The following CNIH1 variants were observed in gnomAD, a reference collection of about 807,000 sequenced individuals.
CNIH1 encodes cornichon family member 1.
Under a neutral mutation model 20.2 loss-of-function variants are expected in CNIH1, and 12 were observed. That is an observed-to-expected ratio of 0.59 (90% CI 0.38 to 0.96). The LOEUF is 0.96. Ranked by LOEUF, CNIH1 falls within the 40% of genes least tolerant of loss-of-function variation. The pLI is 0.00. For missense variants in CNIH1, 152 were observed against 178.8 expected (o/e 0.85, Z 0.85); for synonymous variants, 69 against 63.3 (o/e 1.09, Z -0.43).
rs558740820 is a variant in CNIH1 at position 54,429,079 on chromosome 14, TGAGAAAG to T, written c.407+1175_407+1181del. On this transcript the variant is annotated intron_variant, in intron 4 of 4. Transcript: ENST00000216416. ...TAGTTGAGTATGTATTAATAAAAAA[TGAGAAAG>T]TATTTTATATAAGTGATGTGTAAAA... Among the ~76,000 whole-genome samples the T allele has an allele frequency of 1.8e-3, 272 of 152,320 alleles. 9 individuals carry two copies. The South Asian group carries it at 0.054, about 30-fold the overall frequency.
At position 54,430,266 on chromosome 14, in the gene CNIH1, T is replaced by C. The variant is rs999675806; in HGVS notation, c.402A>G (p.Leu134=). The change falls in exon 4 of 5, where the codon CTA becomes CTG. Residue 134 remains leucine, a synonymous_variant. Transcript: ENST00000216416. ...AFYLLAFFYY[L]YGMIYVLVSS ...ATTTTACCTTTTCAACTTACCCATATAGGTAGTAAAAAAATGCTAGAAGAT... is the reference window on the plus strand; with the variant it reads ...ATTTTACCTTTTCAACTTACCCATACAGGTAGTAAAAAAATGCTAGAAGAT... 6.2e-6 allele frequency: 10 copies of C among 1,613,780 alleles called. No individual in the cohort carries two copies. Among genetic ancestry groups the C allele is most frequent in the South Asian group, 4.4e-5 (4 of 91,078 alleles).
intron 1 of CNIH1, among the ~76,000 whole-genome samples, chr14:54,438,933 C>T (rs1185281598): frequency 6.6e-6 from 1 of 152,194 alleles, no homozygotes; most frequent in Non-Finnish European, 1.5e-5. Flanking sequence ...ACCTCCCCCT[C>T]TTTTTCCTTT....
Position 54,424,323 on chromosome 14 carries a change from A to T in CNIH1, c.*3491T>A, listed in dbSNP as rs922015303. 5 of 152,226 alleles carry T rather than the reference A, an allele frequency of 3.3e-5. No homozygotes were observed. Among genetic ancestry groups the T allele is most frequent in the African/African-American group, 1.2e-4 (5 of 41,444 alleles). The allele number at this position is 152,226 out of a possible 1,614,324, so 9.4% of individuals were successfully genotyped here. Reference sequence around the variant, plus strand: ...CCCCTGAAGAATGTTGTTTTAGAATATTTTTGCCATCAAAATTTCTGATTT... The same window carrying T: ...CCCCTGAAGAATGTTGTTTTAGAATTTTTTTGCCATCAAAATTTCTGATTT... On this transcript the variant is annotated 3_prime_UTR_variant, in exon 5 of 5. Coordinates refer to ENST00000216416, the MANE Select transcript of CNIH1 (RefSeq NM_005776.3).
intron 1 of CNIH1, 81 bp downstream of exon 1, chr14:54,441,166 T>C (rs1459732563): frequency 1.6e-6 from 2 of 1,282,856 alleles, no homozygotes; most frequent in Non-Finnish European, 2.0e-6. Flanking sequence ...CCGGCGGCCG[T>C]GGCGGCCCGG....
chr14:54,437,556 A>G (rs2031079255), intron 1 of CNIH1, among the ~76,000 whole-genome samples: 1 of 152,194 alleles, frequency 6.6e-6, no homozygotes. Context: ...CTGAAAGAAC[A>G]AAGATTGTTG....
chr14:54,425,526 T>C lies in CNIH1; in HGVS notation c.*2288A>G, dbSNP rs1035847189. On this transcript the variant is annotated 3_prime_UTR_variant, in exon 5 of 5. Transcript: ENST00000216416. ...TAGGGCCACCCCAAAGAGATTGATG[T>C]GGAAAATAAATCCAGAGCAATGAAA... The C allele has an allele frequency of 1.3e-5, 2 of 152,162 alleles. No homozygotes were observed. Among genetic ancestry groups the C allele is most frequent in the Non-Finnish European group, 2.9e-5 (2 of 68,012 alleles). The allele number at this position is 152,162 out of a possible 1,614,324, so 9.4% of individuals were successfully genotyped here.
chr14:54,428,364 AG>A (rs949810934), intron 4 of CNIH1, among the ~76,000 whole-genome samples: 4 of 152,194 alleles, frequency 2.6e-5, no homozygotes, highest in African/African-American at 9.7e-5. Context: ...AAAAAAGAAA[AG>A]GGGGGAAAAC....
Position 54,441,268 on chromosome 14 carries a change from G to C in CNIH1, c.60C>G (p.Leu20=). The C allele has an allele frequency of 2.0e-6, 3 of 1,518,574 alleles. No individual in the cohort carries two copies. Among genetic ancestry groups the C allele is most frequent in the Non-Finnish European group, 2.7e-6 (3 of 1,130,688 alleles). The allele number at this position is 1,518,574 out of a possible 1,614,324, so 94.1% of individuals were successfully genotyped here. The change falls in exon 1 of 5, where the codon CTC becomes CTG. Residue 20 remains leucine (L), a synonymous_variant. Coordinates refer to ENST00000216416, the MANE Select transcript of CNIH1 (RefSeq NM_005776.3). Reference sequence around the variant, plus strand: ...TCACGTGCCAAATGGCGAAGAAGATGAGCGCGGCAGTGAGCAGCAGCGCCA... The same window carrying C: ...TCACGTGCCAAATGGCGAAGAAGATCAGCGCGGCAGTGAGCAGCAGCGCCA... ...YMLALLLTAA[L]IFFAIWHIIA...
At position 54,426,016 on chromosome 14, in the gene CNIH1, A is replaced by C. The variant is rs1044783847; in HGVS notation, c.*1798T>G. ...GCATGATCAAAAGTCCTTGTGAACA[A>C]GAAAGAAAACTAAGTGCATGCTGAT... On this transcript the variant is annotated 3_prime_UTR_variant, in exon 5 of 5. Coordinates refer to ENST00000216416, the MANE Select transcript of CNIH1 (RefSeq NM_005776.3). 6.6e-6 allele frequency: 1 copy of C among 152,322 alleles called. No homozygotes were observed. The highest frequency in any genetic ancestry group is 2.1e-4 in the South Asian group (1 of 4,830). The allele number at this position is 152,322 out of a possible 1,614,324, so 9.4% of individuals were successfully genotyped here.
At chr14:54,431,937 T>G (rs1196319659) in intron 3 of CNIH1, among the ~76,000 whole-genome samples, 171 bp downstream of exon 3, 1 of 152,230 alleles carries the variant, frequency 6.6e-6, no homozygotes, top group Non-Finnish European at 1.5e-5. Context: ...TAAAGTAAGC[T>G]CTATATGAGG....
Position 54,423,813 on chromosome 14 carries a change from C to T in CNIH1, c.*4001G>A, listed in dbSNP as rs1049463855. On this transcript the variant is annotated 3_prime_UTR_variant, in exon 5 of 5. Transcript: ENST00000216416. ...GGGAACCAAAGAAATGTAAATATTT[C>T]GAAAAAGCACTACACAATAAAATGA... The T allele has an allele frequency of 6.6e-5, 10 of 152,068 alleles. No individual in the cohort carries two copies. Among genetic ancestry groups the T allele is most frequent in the African/African-American group, 1.2e-4 (5 of 41,420 alleles). 9.4% of individuals were successfully genotyped at this position (152,068 alleles called of 1,614,324 possible).
intron 1 of CNIH1, among the ~76,000 whole-genome samples, chr14:54,437,439 C>CG (rs1555363454): frequency 6.8e-6 from 1 of 147,790 alleles, no homozygotes; most frequent in Non-Finnish European, 1.5e-5. Context: ...CATAAAAAGA[C>CG]GGTTTTTTTA....
Position 54,427,623 on chromosome 14 carries a change from T to G in CNIH1, c.*191A>C, listed in dbSNP as rs865970633. 11 of 583,534 alleles carry G rather than the reference T, an allele frequency of 1.9e-5. No individual in the cohort carries two copies. Among genetic ancestry groups the G allele is most frequent in the African/African-American group, 1.1e-4 (6 of 53,656 alleles). 36.1% of individuals were successfully genotyped at this position (583,534 alleles called of 1,614,324 possible). A position where few individuals can be genotyped will look rare whatever the true frequency, so the allele number is the denominator to read the frequency against. On this transcript the variant is annotated 3_prime_UTR_variant, in exon 5 of 5. Coordinates refer to ENST00000216416, the MANE Select transcript of CNIH1 (RefSeq NM_005776.3). ...CGTAATACCATTTAAAATCTTTATC[T>G]GAGTATAACATATGAAAACAGTCTT...
intron 1 of CNIH1, among the ~76,000 whole-genome samples, chr14:54,438,942 T>C (rs76657977): frequency 0.031 from 4,650 of 152,196 alleles, 150 homozygotes; most frequent in East Asian, 0.098. Flanking sequence ...TCTTTTTCCT[T>C]TGCTTTCTCT....
chr14:54,432,520 A>C (rs1361834816), intron 2 of CNIH1, among the ~76,000 whole-genome samples: 1 of 152,254 alleles, frequency 6.6e-6, no homozygotes, highest in Non-Finnish European at 1.5e-5. Flanking sequence ...CAGATTGTTA[A>C]ACAATATGCT....
At chr14:54,434,493 C>T (rs745937999) in intron 2 of CNIH1, among the ~76,000 whole-genome samples, 3 of 152,166 alleles carry the variant, frequency 2.0e-5, no homozygotes, top group Non-Finnish European at 4.4e-5. Flanking sequence ...GTATAACATT[C>T]GGCAAAGTGC....
At position 54,427,584 on chromosome 14, in the gene CNIH1, T is replaced by C; in HGVS notation, c.*230A>G. On this transcript the variant is annotated 3_prime_UTR_variant, in exon 5 of 5. Transcript: ENST00000216416. The stretch of plus-strand genomic sequence containing the variant: ...CTGTCAACACCAGAGGTAATCATTT[T>C]ATATTAATTTATACGTAATACCATT... The C allele has an allele frequency of 3.8e-6, 2 of 522,730 alleles. No individual in the cohort carries two copies. The highest frequency in any genetic ancestry group is 6.9e-5 in the Admixed American group (2 of 28,782). The allele number at this position is 522,730 out of a possible 1,614,324, so 32.4% of individuals were successfully genotyped here. A position where few individuals can be genotyped will look rare whatever the true frequency, so the allele number is the denominator to read the frequency against.
rs1436275345 is a variant in CNIH1 at position 54,424,421 on chromosome 14, T to C, written c.*3393A>G. The C allele has an allele frequency of 2.6e-5, 4 of 152,228 alleles. No homozygotes were observed. The highest frequency in any genetic ancestry group is 4.4e-5 in the Non-Finnish European group (3 of 68,044). The allele number at this position is 152,228 out of a possible 1,614,324, so 9.4% of individuals were successfully genotyped here. ...GACATAAATAAGTAAACTAGACACA[T>C]ACTTTTAAATATAGACCATTATTTG... On this transcript the variant is annotated 3_prime_UTR_variant, in exon 5 of 5. Coordinates refer to ENST00000216416, the MANE Select transcript of CNIH1 (RefSeq NM_005776.3).
Position 54,426,569 on chromosome 14 carries a change from A to C in CNIH1, c.*1245T>G, listed in dbSNP as rs2030830665. 1 of 152,214 alleles carries C rather than the reference A, an allele frequency of 6.6e-6. No homozygotes were observed. The highest frequency in any genetic ancestry group is 2.4e-5 in the African/African-American group (1 of 41,470). 9.4% of individuals were successfully genotyped at this position (152,214 alleles called of 1,614,324 possible). A position where few individuals can be genotyped will look rare whatever the true frequency, so the allele number is the denominator to read the frequency against. ...ATGCTTATGAAAACATGCAAGCCAT[A>C]ATTTACCTGCCTTACAAGCAGCAGC... On this transcript the variant is annotated 3_prime_UTR_variant, in exon 5 of 5. Transcript: ENST00000216416.
Sources: gnomAD v4.1 joint callset for allele counts (sites outside exome capture counted in the v4.1 genomes callset) on GRCh38, gnomAD v4.1.1 for gene constraint, MANE v1.5 for transcripts, NCBI Gene and HGNC (gene_info 2026-07-23, HGNC 2026-07-21) for gene names.